The following NFIA variants were observed in gnomAD, a reference collection of about 807,000 sequenced individuals.
The protein encoded by NFIA is nuclear factor 1 A-type.
Under a neutral mutation model 62.8 loss-of-function variants are expected in NFIA, and 8 were observed. The ratio of observed to expected loss-of-function variants is 0.13; its 90% CI spans 0.07 to 0.23. The LOEUF (loss-of-function observed/expected upper bound fraction) is 0.23, where lower values mean the gene tolerates loss of function less well. NFIA is among the 10% of genes least tolerant of loss of function. The pLI is 1.00. For synonymous variants in NFIA, 235 were observed against 238.1 expected, an observed-to-expected ratio of 0.99 and a Z score of 0.12; for missense variants, 410 against 642.1, an observed-to-expected ratio of 0.64 and a Z score of 3.91.
chr1:61,159,808 A>G (rs533860146), intron 2 of NFIA, among the ~76,000 whole-genome samples: 29 of 151,056 alleles, frequency 1.9e-4, no homozygotes, highest in African/African-American at 6.8e-4. Flanking sequence ...CAGCCTCCCA[A>G]GTAATTGGAA....
chr1:61,277,410 A>G (rs1475865496), intron 2 of NFIA, 110 bp from the exon 3 acceptor site: 1 of 914,952 alleles, frequency 1.1e-6, no homozygotes, highest in African/African-American at 1.7e-5. Context: ...CATTTCTGTA[A>G]TGTTCCCTTT....
intron 5 of NFIA, among the ~76,000 whole-genome samples, chr1:61,357,937 A>G (rs980046746): frequency 1.3e-5 from 2 of 152,188 alleles, no homozygotes; most frequent in African/African-American, 4.8e-5. Context: ...AATTAAAACA[A>G]CTACAGCAAG....
chr1:61,441,331 G>GTGTGTGTGTGTGTGTGTGTC (rs1360188951), intron 10 of NFIA, among the ~76,000 whole-genome samples: 202 of 142,410 alleles, frequency 1.4e-3, no homozygotes, highest in Non-Finnish European at 2.5e-3. Flanking sequence ...GTGTGTGTGT[G>GTGTGTGTGTGTGTGTGTGTC]TGTCTGTCTG....
intron 3 of NFIA, among the ~76,000 whole-genome samples, chr1:61,317,913 G>A (rs1360399211): frequency 2.0e-5 from 3 of 152,076 alleles, no homozygotes; most frequent in Non-Finnish European, 1.5e-5. Context: ...TATGAAGTAA[G>A]TATAATCATT....
chr1:61,131,900 G>A (rs1020921127), intron 2 of NFIA, among the ~76,000 whole-genome samples: 2 of 152,080 alleles, frequency 1.3e-5, no homozygotes, highest in African/African-American at 4.8e-5. Context: ...TCTCTTCACT[G>A]AATTGTTGCC....
chr1:61,154,250 C>A (rs764476769), intron 2 of NFIA, among the ~76,000 whole-genome samples: 1 of 151,986 alleles, frequency 6.6e-6, no homozygotes, highest in African/African-American at 2.4e-5. Context: ...CTTGGCTCAC[C>A]GCCTCCCAGA....
intron 10 of NFIA, among the ~76,000 whole-genome samples, chr1:61,441,946 G>A (rs565705479): frequency 2.6e-5 from 4 of 151,490 alleles, no homozygotes; most frequent in African/African-American, 9.7e-5. Flanking sequence ...CAGGAAGGCG[G>A]TTTGCTTGGC....
intron 9 of NFIA, among the ~76,000 whole-genome samples, chr1:61,419,971 G>T (rs1666531801): frequency 6.6e-6 from 1 of 152,168 alleles, no homozygotes; most frequent in Non-Finnish European, 1.5e-5. Context: ...CGAGGTAGCT[G>T]TACAGATGTG....
At chr1:61,391,669 C>A (rs1043147355) in intron 7 of NFIA, among the ~76,000 whole-genome samples, 2 of 152,196 alleles carry the variant, frequency 1.3e-5, no homozygotes, top group Admixed American at 6.5e-5. Context: ...TCTCTCCAAA[C>A]TAAGGTCCCT....
At chr1:61,242,481 A>G (rs1485294302) in intron 2 of NFIA, among the ~76,000 whole-genome samples, 1 of 152,220 alleles carries the variant, frequency 6.6e-6, no homozygotes, top group Non-Finnish European at 1.5e-5. Context: ...GTACTCTGTG[A>G]TATGGTTAAT....
chr1:61,449,838 A>G (rs1198155277), intron 10 of NFIA, among the ~76,000 whole-genome samples: 1 of 152,274 alleles, frequency 6.6e-6, no homozygotes, highest in East Asian at 1.9e-4. Context: ...TGGCAGTACC[A>G]GTAACTAACA....
At chr1:61,391,232 T>A (rs181182279) in intron 7 of NFIA, among the ~76,000 whole-genome samples, 1 of 152,146 alleles carries the variant, frequency 6.6e-6, no homozygotes, top group Admixed American at 6.5e-5. Flanking sequence ...AGCTAATTTT[T>A]AAAATTTTTT....
At chr1:61,268,601 C>T (rs1036139486) in intron 2 of NFIA, among the ~76,000 whole-genome samples, 5 of 152,078 alleles carry the variant, frequency 3.3e-5, no homozygotes, top group Non-Finnish European at 7.3e-5. Context: ...AAGGTCATAG[C>T]TAAATTGAAT....
At chr1:61,105,964 A>T (rs1036129348) in intron 2 of NFIA, among the ~76,000 whole-genome samples, 6 of 151,760 alleles carry the variant, frequency 4.0e-5, no homozygotes, top group African/African-American at 1.4e-4. Context: ...TTGGTTAAAA[A>T]AAAATTGTTT....
chr1:61,212,292 T>G (rs1233347668), intron 2 of NFIA, among the ~76,000 whole-genome samples: 1 of 152,170 alleles, frequency 6.6e-6, no homozygotes, highest in East Asian at 1.9e-4. Context: ...CACTAAAGCT[T>G]ATTTTTCTAG....
At chr1:61,264,402 A>C (rs1370352067) in intron 2 of NFIA, among the ~76,000 whole-genome samples, 1 of 152,040 alleles carries the variant, frequency 6.6e-6, no homozygotes, top group African/African-American at 2.4e-5. Flanking sequence ...CCAGCGCTTC[A>C]GGAGGCTGAG....
intron 3 of NFIA, among the ~76,000 whole-genome samples, chr1:61,289,150 T>C (rs1025494988): frequency 3.9e-5 from 6 of 152,166 alleles, no homozygotes; most frequent in East Asian, 1.9e-4. Flanking sequence ...CTGTGTTTTA[T>C]AGGAATGGGT....
intron 10 of NFIA, among the ~76,000 whole-genome samples, chr1:61,426,965 A>G (rs1416383362): frequency 1.3e-5 from 2 of 152,164 alleles, no homozygotes; most frequent in Non-Finnish European, 2.9e-5. Context: ...TGTATTCATT[A>G]GAGGGTCCCC....
chr1:61,300,783 C>T (rs1475687395), intron 3 of NFIA, among the ~76,000 whole-genome samples: 1 of 151,850 alleles, frequency 6.6e-6, no homozygotes, highest in African/African-American at 2.4e-5. Flanking sequence ...TACCTATACA[C>T]ATAGAGGTAC....
Sources: gnomAD v4.1 joint callset for allele counts (sites outside exome capture counted in the v4.1 genomes callset) on GRCh38, gnomAD v4.1.1 for gene constraint, MANE v1.5 for transcripts, NCBI Gene and HGNC (gene_info 2026-07-23, HGNC 2026-07-21) for gene names.